The following SMURF2 variants were observed in gnomAD, a reference collection of about 807,000 sequenced individuals.
The protein encoded by SMURF2 is E3 ubiquitin-protein ligase SMURF2.
Under a neutral mutation model 109.6 loss-of-function variants are expected in SMURF2, and 48 were observed. The ratio of observed to expected loss-of-function variants is 0.44; its 90% CI spans 0.35 to 0.56. The LOEUF (loss-of-function observed/expected upper bound fraction) is 0.56. SMURF2 is among the 20% of genes least tolerant of loss of function. SMURF2 has a pLI of 0.01. For missense variants in SMURF2, 575 were observed against 909.0 expected (o/e 0.63, Z 4.72); for synonymous variants, 288 against 317.1 (o/e 0.91, Z 0.97).
chr17:64,620,366 A>G (rs951586275), intron 1 of SMURF2, among the ~76,000 whole-genome samples: 3 of 152,204 alleles, frequency 2.0e-5, no homozygotes, highest in Non-Finnish European at 2.9e-5. Context: ...CCACCTAGGA[A>G]AAGAGTTTAG....
At chr17:64,630,230 C>T (rs965798444) in intron 1 of SMURF2, among the ~76,000 whole-genome samples, 2 of 151,248 alleles carry the variant, frequency 1.3e-5, no homozygotes, top group Non-Finnish European at 2.9e-5. Context: ...AGCAAGACTC[C>T]GTCTCAGAAA....
Position 64,595,113 on chromosome 17 carries a change from C to T in SMURF2, c.201-1540G>A, listed in dbSNP as rs377266845. 1.4e-4 allele frequency among the ~76,000 whole-genome samples: 22 copies of T among 152,298 alleles called. No homozygotes were observed. The East Asian group carries it at 3.7e-3, about 25-fold the overall frequency. Reference sequence around the variant, plus strand: ...CAGGGCAACGCACCACTGGCTTAAGCAACTTCATCTGTGTAGTCCAATGTG... The same window carrying T: ...CAGGGCAACGCACCACTGGCTTAAGTAACTTCATCTGTGTAGTCCAATGTG... On this transcript the variant is annotated intron_variant, in intron 3 of 18. Transcript: ENST00000262435.
intron 9 of SMURF2, among the ~76,000 whole-genome samples, chr17:64,575,907 A>C (rs1330274909): frequency 2.0e-5 from 3 of 152,058 alleles, no homozygotes; most frequent in Non-Finnish European, 2.9e-5. Context: ...GTTCATTAAA[A>C]AATAACTCAA....
At chr17:64,583,958 C>T (rs190893425) in intron 6 of SMURF2, among the ~76,000 whole-genome samples, 5 of 152,038 alleles carry the variant, frequency 3.3e-5, no homozygotes, top group South Asian at 2.1e-4. Context: ...CCACCGCATC[C>T]GGCCAAAAGC....
chr17:64,641,318 G>A (rs907254768), intron 1 of SMURF2, among the ~76,000 whole-genome samples: 8 of 151,990 alleles, frequency 5.3e-5, no homozygotes, highest in Non-Finnish European at 1.2e-4. Context: ...TTATCTATTA[G>A]ATTAATATAT....
At position 64,554,889 on chromosome 17, in the gene SMURF2, G is replaced by A; in HGVS notation, c.1715C>T (p.Pro572Leu). 1 of 1,613,496 alleles carries A rather than the reference G, an allele frequency of 6.2e-7. No individual in the cohort carries two copies. The highest frequency in any genetic ancestry group is 8.5e-7 in the Non-Finnish European group (1 of 1,179,684). ...HELKPNGKSIPVNEENKKEYV... is the reference protein window; with the variant it reads ...HELKPNGKSILVNEENKKEYV... ...TTCTTTTTTATTTTCTTCATTAACA[G>A]GGATACTTTTGCCATTTGGTTTAAG... Residue 572 changes from proline (P) to leucine (L), a missense_variant, in exon 15 of 19, where the codon CCT (proline) becomes CTT (leucine). Physicochemically the swap from Pro to Leu is moderately conservative, Grantham distance 98 (BLOSUM62 -3). Around this residue, in one of 5 missense-constraint regions of SMURF2, gnomAD observed 361 missense variants for 612.1 expected, o/e 0.59. Coordinates refer to ENST00000262435, the MANE Select transcript of SMURF2 (RefSeq NM_022739.4).
intron 1 of SMURF2, among the ~76,000 whole-genome samples, chr17:64,609,356 A>T (rs1555689324): frequency 6.6e-6 from 1 of 152,182 alleles, no homozygotes; most frequent in African/African-American, 2.4e-5. Context: ...GCATCACACT[A>T]CCTGACTTCA....
chr17:64,662,064 T>TC lies in SMURF2; in HGVS notation c.-185dup. On this transcript the variant is annotated 5_prime_UTR_variant, in exon 1 of 19. Coordinates refer to ENST00000262435, the MANE Select transcript of SMURF2 (RefSeq NM_022739.4). ...CCGCGGAGGGAGCGGGACGCCGAGC[T>TC]CCCCCCTCCTCCCACTTCTCCTTCC... 1 of 1,090,380 alleles carries TC rather than the reference T, an allele frequency of 9.2e-7. No homozygotes were observed. Among genetic ancestry groups the TC allele is most frequent in the East Asian group, 5.4e-5 (1 of 18,644 alleles). 67.5% of individuals were successfully genotyped at this position (1,090,380 alleles called of 1,614,324 possible). A position where few individuals can be genotyped will look rare whatever the true frequency, so the allele number is the denominator to read the frequency against.
At chr17:64,577,862 TG>T (rs1555686202) in intron 9 of SMURF2, among the ~76,000 whole-genome samples, 1 of 151,910 alleles carries the variant, frequency 6.6e-6, no homozygotes, top group Non-Finnish European at 1.5e-5. Flanking sequence ...CCCAAAGTGT[TG>T]GGAATACAGG....
intron 12 of SMURF2, chr17:64,561,064 T>G (rs1251170390): frequency 2.6e-5 from 4 of 153,348 alleles, no homozygotes; most frequent in Non-Finnish European, 4.3e-5. Context: ...ACTGAAACAT[T>G]CTGAGGACCA....
intron 1 of SMURF2, among the ~76,000 whole-genome samples, chr17:64,627,575 C>G (rs1970285105): frequency 6.6e-6 from 1 of 152,174 alleles, no homozygotes; most frequent in Non-Finnish European, 1.5e-5. Flanking sequence ...GCAGACCTCT[C>G]CCCTAATATC....
intron 1 of SMURF2, among the ~76,000 whole-genome samples, chr17:64,626,658 G>A (rs9894498): frequency 0.087 from 13,263 of 152,038 alleles, 1,309 homozygotes; most frequent in African/African-American, 0.24. Context: ...AGATACTCAG[G>A]AGGCTGAGGC....
intron 1 of SMURF2, among the ~76,000 whole-genome samples, chr17:64,625,705 C>T (rs1970258157): frequency 6.6e-6 from 1 of 152,158 alleles, no homozygotes; most frequent in Non-Finnish European, 1.5e-5. Context: ...GTCCTAACTC[C>T]AGAGTTCCTA....
At chr17:64,572,645 A>G (rs1969413735) in intron 9 of SMURF2, among the ~76,000 whole-genome samples, 1 of 152,200 alleles carries the variant, frequency 6.6e-6, no homozygotes. Flanking sequence ...ATAGAGAAGG[A>G]TTAATAGGGC....
At chr17:64,582,344 C>G (rs530564422) in intron 7 of SMURF2, among the ~76,000 whole-genome samples, 100 of 152,254 alleles carry the variant, frequency 6.6e-4, no homozygotes, top group African/African-American at 2.3e-3. Flanking sequence ...GGAAAACAGG[C>G]AAAACAAAAC....
intron 8 of SMURF2, 33 bp downstream of exon 8, chr17:64,580,756 C>T: frequency 6.3e-7 from 1 of 1,595,144 alleles, no homozygotes; most frequent in South Asian, 1.1e-5. Flanking sequence ...AATCAGTAAA[C>T]CACATTTTAT....
Position 64,609,291 on chromosome 17 carries a change from CA to C in SMURF2, c.53-2652del, listed in dbSNP as rs1568193937. On this transcript the variant is annotated intron_variant, in intron 1 of 18. Coordinates refer to ENST00000262435, the MANE Select transcript of SMURF2 (RefSeq NM_022739.4). ...AACTACTTTAAATTTCATATGGAAC[CA>C]AAAAAGAGCCCACATAGCCAAGACA... Among the ~76,000 whole-genome samples the C allele has an allele frequency of 2.6e-5, 4 of 152,072 alleles. No homozygotes were observed. The East Asian group carries it at 7.7e-4, about 29-fold the overall frequency.
At chr17:64,644,733 GA>G (rs1568208506) in intron 1 of SMURF2, among the ~76,000 whole-genome samples, 1 of 151,730 alleles carries the variant, frequency 6.6e-6, no homozygotes, top group Non-Finnish European at 1.5e-5. Flanking sequence ...CCAACATGGC[GA>G]AACTCCAACT....
chr17:64,557,791 A>G, intron 12 of SMURF2, 69 bp from the exon 13 acceptor site: 1 of 783,326 alleles, frequency 1.3e-6, no homozygotes, highest in Non-Finnish European at 2.1e-6. Flanking sequence ...TATGTCATTA[A>G]CTAATCATTT....
Sources: allele counts gnomAD v4.1 joint callset (sites outside exome capture counted in the v4.1 genomes callset), GRCh38; gene constraint gnomAD v4.1.1; regional missense constraint gnomAD v4.1.1; transcripts MANE v1.5; gene names NCBI Gene and HGNC (gene_info 2026-07-23, HGNC 2026-07-21).